Variants in TMEM125 observed in about 807,000 individuals in gnomAD.
TMEM125 encodes the protein transmembrane protein 125.
Under a neutral mutation model 8.7 loss-of-function variants are expected in TMEM125, and 11 were observed. The ratio of observed to expected loss-of-function variants is 1.26; its 90% CI spans 0.79 to 2.08. The LOEUF (loss-of-function observed/expected upper bound fraction) is 2.08, where lower values mean the gene tolerates loss of function less well. TMEM125 is among the 30% of genes most tolerant of loss of function. The probability of loss-of-function intolerance (pLI) is 0.00; values close to 1 mark genes in which losing one functional copy is unlikely to be tolerated. For missense variants in TMEM125, 270 were observed against 302.4 expected, an observed-to-expected ratio of 0.89 and a Z score of 0.79; for synonymous variants, 144 against 146.1, an observed-to-expected ratio of 0.99 and a Z score of 0.10.
At position 43,271,478 on chromosome 1, in the gene TMEM125, A is replaced by G. The variant is rs1646490706; in HGVS notation, c.-302+685A>G. Among the ~76,000 whole-genome samples the G allele has an allele frequency of 6.6e-6, 1 of 152,202 alleles. No homozygotes were observed. Among genetic ancestry groups the G allele is most frequent in the South Asian group, 2.1e-4 (1 of 4,834 alleles). On this transcript the variant is annotated intron_variant, in intron 2 of 3. Coordinates refer to ENST00000439858, the MANE Select transcript of TMEM125 (RefSeq NM_144626.3). This position sits in a 1 kb window ranked among gnomAD's most constrained non-coding sequence, Gnocchi z 4.9. ...TCTGCTGCAGACTGGGGCTCCTTGA[A>G]GGCAGGGACCTCATGTGCTTTATTT...
chr1:43,273,088 C>T lies in TMEM125; in HGVS notation c.366C>T (p.Leu122=), dbSNP rs763900721. Residue 122 remains leucine, a synonymous_variant, in exon 4 of 4, where the codon CTC becomes CTT. Transcript: ENST00000439858. ...ADALVVLLSG[L]VLLVTGLTLA... ...CCCTCGTGGTGCTGCTCAGTGGCCT[C>T]GTGCTGCTGGTCACCGGCCTGACCC... 2.1e-5 allele frequency: 34 copies of T among 1,609,742 alleles called. No individual in the cohort carries two copies. The highest frequency in any genetic ancestry group is 4.0e-5 in the African/African-American group (3 of 74,800).
In TMEM125 at chr1:43,272,627, G is replaced by C. The variant is rs1482094320; in HGVS notation, c.-96G>C. On this transcript the variant is annotated 5_prime_UTR_variant, in exon 4 of 4. Coordinates refer to ENST00000439858, the MANE Select transcript of TMEM125 (RefSeq NM_144626.3). This position sits in a 1 kb window ranked among gnomAD's most constrained non-coding sequence, Gnocchi z 5.0. ...GTGAGAGGAATGGGACTCTGGGCCT[G>C]TAGCTGCCAAGCAGGTGGCAGGTGC... 4.4e-6 allele frequency: 5 copies of C among 1,146,096 alleles called. No individual in the cohort carries two copies. The highest frequency in any genetic ancestry group is 5.9e-6 in the Non-Finnish European group (5 of 853,910). The allele number at this position is 1,146,096 out of a possible 1,614,324, so 71.0% of individuals were successfully genotyped here.
At position 43,273,644 on chromosome 1, in the gene TMEM125, G is replaced by A. The variant is rs531975028; in HGVS notation, c.*262G>A. 9.8e-5 allele frequency: 53 copies of A among 539,262 alleles called. No homozygotes were observed. The highest frequency in any genetic ancestry group is 1.0e-3 in the Middle Eastern group (2 of 1,950). 33.4% of individuals were successfully genotyped at this position (539,262 alleles called of 1,614,324 possible). A position where few individuals can be genotyped will look rare whatever the true frequency, so the allele number is the denominator to read the frequency against. ...CTCTCTGTATCTCAGGTCAGTAGGC[G>A]CAGAAACGCCTCATGATGAAGATTC... is the stretch of plus-strand genomic sequence containing the variant. On this transcript the variant is annotated 3_prime_UTR_variant, in exon 4 of 4. Coordinates refer to ENST00000439858, the MANE Select transcript of TMEM125 (RefSeq NM_144626.3).
Position 43,272,491 on chromosome 1 carries a change from T to C in TMEM125, c.-145-87T>C, listed in dbSNP as rs1176299974. Reference sequence around the variant, plus strand: ...AGATTCGGGGGAACACTGGGGTGGATTCTCAGGGATCATCCCCAAGGCTCC... The same window carrying C: ...AGATTCGGGGGAACACTGGGGTGGACTCTCAGGGATCATCCCCAAGGCTCC... On this transcript the variant is annotated intron_variant, in intron 3 of 3. Transcript: ENST00000439858. This position sits in a 1 kb window ranked among gnomAD's most constrained non-coding sequence, Gnocchi z 5.0. The C allele has an allele frequency of 2.3e-6, 1 of 439,550 alleles. No homozygotes were observed. The highest frequency in any genetic ancestry group is 2.0e-5 in the African/African-American group (1 of 48,882). The allele number at this position is 439,550 out of a possible 1,614,324, so 27.2% of individuals were successfully genotyped here.
rs139782659 is a variant in TMEM125, at chr1:43,273,127, C to T, written c.405C>T (p.Ala135=). The change falls in exon 4 of 4, where the codon GCC becomes GCT. Residue 135 remains alanine, a synonymous_variant. Transcript: ENST00000439858. The part of the protein sequence containing the change: ...LVTGLTLAGL[A]AAPAPARPLA... ...CCGGCCTGACCCTGGCCGGGCTGGC[C>T]GCCGCCCCTGCCCCTGCTCGGCCGC... 59 of 1,610,780 alleles carry T rather than the reference C, an allele frequency of 3.7e-5. 1 individual carries two copies. Among genetic ancestry groups the T allele is most frequent in the African/African-American group, 3.1e-4 (23 of 74,864 alleles).
intron 1 of TMEM125, 193 bp from the exon 2 acceptor site, chr1:43,270,488 G>A (rs1646482897): frequency 6.6e-6 from 1 of 152,214 alleles, no homozygotes; most frequent in African/African-American, 2.4e-5. Flanking sequence ...TTGGCGCCCA[G>A]GCTCTGGGGC....
chr1:43,272,807 C>A lies in TMEM125; in HGVS notation c.85C>A (p.Gln29Lys). The A allele has an allele frequency of 6.4e-7, 1 of 1,564,936 alleles. No individual in the cohort carries two copies. The highest frequency in any genetic ancestry group is 8.7e-7 in the Non-Finnish European group (1 of 1,152,270). ...LAEQVELWWS[Q>K]QPRRSALCFV... The stretch of plus-strand genomic sequence containing the variant: ...AGAGCAGGTGGAGCTGTGGTGGTCC[C>A]AGCAGCCGCGGCGCTCGGCGCTCTG... The change falls in exon 4 of 4, where the codon CAG becomes AAG. Residue 29 changes from glutamine to lysine, a missense_variant. Gln to Lys is a moderately conservative substitution (Grantham distance 53). Transcript: ENST00000439858. This position sits in a 1 kb window ranked among gnomAD's most constrained non-coding sequence, Gnocchi z 5.0.
In TMEM125 at chr1:43,272,862, G is replaced by T; in HGVS notation, c.140G>T (p.Gly47Val). The part of the protein sequence containing the change: ...CFVVAVGLVA[G>V]CGAGGVALLS... ...GTCGTGGCCGTGGGCCTCGTGGCAG[G>T]CTGTGGCGCGGGCGGCGTGGCACTG... The change falls in exon 4 of 4, where the codon GGC becomes GTC. Residue 47 changes from glycine (G) to valine (V), a missense_variant. Gly to Val is a moderately radical substitution (Grantham distance 109). Transcript: ENST00000439858. This position sits in a 1 kb window ranked among gnomAD's most constrained non-coding sequence, Gnocchi z 5.0. 1 of 1,582,594 alleles carries T rather than the reference G, an allele frequency of 6.3e-7. No individual in the cohort carries two copies. The highest frequency in any genetic ancestry group is 1.8e-5 in the Admixed American group (1 of 56,334).
rs1259681242 is a variant in TMEM125 at position 43,273,149 on chromosome 1, C to T, written c.427C>T (p.Pro143Ser). The change falls in exon 4 of 4, where the codon CCG (proline) becomes TCG (serine). Residue 143 changes from proline (P) to serine (S), a missense_variant. Transcript: ENST00000439858. ...GGCCGCCGCCCCTGCCCCTGCTCGGCCGCTGGCCGCCATGCTGTCTGTGGG... is the reference window on the plus strand; with the variant it reads ...GGCCGCCGCCCCTGCCCCTGCTCGGTCGCTGGCCGCCATGCTGTCTGTGGG... ...GLAAAPAPAR[P>S]LAAMLSVGIA... 3 of 1,612,944 alleles carry T rather than the reference C, an allele frequency of 1.9e-6. No homozygotes were observed. Among genetic ancestry groups the T allele is most frequent in the Middle Eastern group, 1.6e-4 (1 of 6,072 alleles).
At position 43,273,431 on chromosome 1, in the gene TMEM125, G is replaced by A. The variant is rs1192084805; in HGVS notation, c.*49G>A. The A allele has an allele frequency of 6.4e-7, 1 of 1,567,296 alleles. No individual in the cohort carries two copies. The highest frequency in any genetic ancestry group is 8.7e-7 in the Non-Finnish European group (1 of 1,151,942). On this transcript the variant is annotated 3_prime_UTR_variant, in exon 4 of 4. Coordinates refer to ENST00000439858, the MANE Select transcript of TMEM125 (RefSeq NM_144626.3). ...TCACAGCGGCCTCAGCGTCCCCAGA[G>A]CCGAGCCAGGGTGTGAGTGCATGTG... is the stretch of plus-strand genomic sequence containing the variant.
chr1:43,273,111 C>A lies in TMEM125; in HGVS notation c.389C>A (p.Thr130Asn). 2 of 1,610,470 alleles carry A rather than the reference C, an allele frequency of 1.2e-6. No homozygotes were observed. The highest frequency in any genetic ancestry group is 1.7e-4 in the Middle Eastern group (1 of 6,030). Residue 130 changes from threonine (T) to asparagine (N), a missense_variant, in exon 4 of 4, where the codon ACC becomes AAC. By Grantham distance (65) the Thr-to-Asn change is moderately conservative. Around this residue, in one of 3 missense-constraint regions of TMEM125, gnomAD observed 215 missense variants for 216.5 expected, o/e 0.99. Transcript: ENST00000439858. ...SGLVLLVTGL[T>N]LAGLAAAPAP... ...CTCGTGCTGCTGGTCACCGGCCTGACCCTGGCCGGGCTGGCCGCCGCCCCT... is the reference window on the plus strand; with the variant it reads ...CTCGTGCTGCTGGTCACCGGCCTGAACCTGGCCGGGCTGGCCGCCGCCCCT...
chr1:43,272,399 T>A lies in TMEM125; in HGVS notation c.-146+60T>A, dbSNP rs1646497173. 4.4e-6 allele frequency: 1 copy of A among 228,302 alleles called. No individual in the cohort carries two copies. The highest frequency in any genetic ancestry group is 2.3e-5 in the African/African-American group (1 of 44,050). The allele number at this position is 228,302 out of a possible 1,614,324, so 14.1% of individuals were successfully genotyped here. ...TTTAGGGGGTACCCTATGGGCAGGG[T>A]ACTCCCCTGGGGTCATTGGAGAGCC... On this transcript the variant is annotated intron_variant, in intron 3 of 3. Coordinates refer to ENST00000439858, the MANE Select transcript of TMEM125 (RefSeq NM_144626.3). The surrounding 1 kb of genome is among the most constrained non-coding windows in gnomAD (Gnocchi z 5.0).
In TMEM125 at chr1:43,272,736, A is replaced by G; in HGVS notation, c.14A>G (p.Glu5Gly). ...CCTGACCAAGCCATGTCTGAACAGG[A>G]GGCTCAAGCCCCAGGGGGCCGGGGG... MSEQ[E>G]AQAPGGRGLP... Residue 5 changes from glutamate to glycine, a missense_variant, in exon 4 of 4, where the codon GAG becomes GGG. Glu to Gly is a moderately conservative substitution (Grantham distance 98, BLOSUM62 -2). Transcript: ENST00000439858. This position sits in a 1 kb window ranked among gnomAD's most constrained non-coding sequence, Gnocchi z 5.0. 1.3e-6 allele frequency: 2 copies of G among 1,506,004 alleles called. No individual in the cohort carries two copies. Among genetic ancestry groups the G allele is most frequent in the Non-Finnish European group, 8.9e-7 (1 of 1,128,950 alleles). The allele number at this position is 1,506,004 out of a possible 1,614,324, so 93.3% of individuals were successfully genotyped here.
Position 43,273,393 on chromosome 1 carries a change from G to A in TMEM125, c.*11G>A. 1 of 1,599,676 alleles carries A rather than the reference G, an allele frequency of 6.3e-7. No individual in the cohort carries two copies. Among genetic ancestry groups the A allele is most frequent in the Non-Finnish European group, 8.6e-7 (1 of 1,168,734 alleles). On this transcript the variant is annotated 3_prime_UTR_variant, in exon 4 of 4. Transcript: ENST00000439858. ...GCCAGCCTCATCTGACGGAGCCAGA[G>A]CCGTCCTTCTTCTCACAGCGGCCTC...
rs1435556192 is a variant in TMEM125, at chr1:43,272,890, G to A, written c.168G>A (p.Leu56=). The change falls in exon 4 of 4, where the codon CTG becomes CTA. Residue 56 remains leucine (L), a synonymous_variant. Transcript: ENST00000439858. The surrounding 1 kb of genome is among the most constrained non-coding windows in gnomAD (Gnocchi z 5.0). ...AGCGAGGVAL[L]STTSSRSGEW... ...GTGGCGCGGGCGGCGTGGCACTGCT[G>A]TCAACCACCAGCAGCCGCTCAGGTG... 1.3e-6 allele frequency: 2 copies of A among 1,589,690 alleles called. No individual in the cohort carries two copies. Among genetic ancestry groups the A allele is most frequent in the Non-Finnish European group, 8.6e-7 (1 of 1,165,064 alleles).
In TMEM125 at chr1:43,272,879, G is replaced by T. The variant is rs757556639; in HGVS notation, c.157G>T (p.Val53Leu). ...GLVAGCGAGGVALLSTTSSRS... is the reference protein window; with the variant it reads ...GLVAGCGAGGLALLSTTSSRS... ...CGTGGCAGGCTGTGGCGCGGGCGGC[G>T]TGGCACTGCTGTCAACCACCAGCAG... The change falls in exon 4 of 4, where the codon GTG becomes TTG. Residue 53 changes from valine (V) to leucine (L), a missense_variant. Transcript: ENST00000439858. This position sits in a 1 kb window ranked among gnomAD's most constrained non-coding sequence, Gnocchi z 5.0. 1.0e-5 allele frequency: 16 copies of T among 1,587,512 alleles called. No individual in the cohort carries two copies. Among genetic ancestry groups the T allele is most frequent in the Non-Finnish European group, 1.4e-5 (16 of 1,164,396 alleles).
Position 43,273,280 on chromosome 1 carries a change from C to T in TMEM125, c.558C>T (p.Thr186=), listed in dbSNP as rs1381677949. 1 of 1,614,040 alleles carries T rather than the reference C, an allele frequency of 6.2e-7. No homozygotes were observed. The highest frequency in any genetic ancestry group is 2.2e-5 in the East Asian group (1 of 44,898). ...CCATCTGTATGGCCACTCCCTCCAC[C>T]CACAGTGGCCATGGCGGCCATGGCA... ...CPSICMATPS[T]HSGHGGHGSI... is the part of the protein sequence containing the mutation. Residue 186 remains threonine (T), a synonymous_variant, in exon 4 of 4, where the codon ACC becomes ACT. Transcript: ENST00000439858.
Position 43,273,615 on chromosome 1 carries a change from C to T in TMEM125, c.*233C>T, listed in dbSNP as rs1467010201. On this transcript the variant is annotated 3_prime_UTR_variant, in exon 4 of 4. Transcript: ENST00000439858. The stretch of plus-strand genomic sequence containing the variant: ...GAACTGGGTGTTGGTGTCCATGGAA[C>T]TTCCTCTCTGTATCTCAGGTCAGTA... 1.7e-6 allele frequency: 1 copy of T among 605,498 alleles called. No individual in the cohort carries two copies. Among genetic ancestry groups the T allele is most frequent in the Non-Finnish European group, 2.9e-6 (1 of 339,374 alleles). 37.5% of individuals were successfully genotyped at this position (605,498 alleles called of 1,614,324 possible). A position where few individuals can be genotyped will look rare whatever the true frequency, so the allele number is the denominator to read the frequency against.
rs1646508609 is a variant in TMEM125, at chr1:43,273,297, G to A, written c.575G>A (p.Gly192Asp). 1 of 1,614,054 alleles carries A rather than the reference G, an allele frequency of 6.2e-7. No individual in the cohort carries two copies. Among genetic ancestry groups the A allele is most frequent in the Admixed American group, 1.7e-5 (1 of 60,014 alleles). ...ATPSTHSGHG[G>D]HGSIFSISGQ... ...CCCTCCACCCACAGTGGCCATGGCG[G>A]CCATGGCAGCATCTTCAGCATCTCA... Residue 192 changes from glycine to aspartate, a missense_variant, in exon 4 of 4, where the codon GGC becomes GAC. Gly to Asp is a moderately conservative substitution (Grantham distance 94). Around this residue, in one of 3 missense-constraint regions of TMEM125, gnomAD observed 52 missense variants for 69.4 expected, o/e 0.75. Transcript: ENST00000439858.
Sources: allele counts gnomAD v4.1 joint callset (sites outside exome capture counted in the v4.1 genomes callset), GRCh38; gene constraint gnomAD v4.1.1; regional missense constraint gnomAD v4.1.1; non-coding constraint Gnocchi (gnomAD v3.1); transcripts MANE v1.5; gene names NCBI Gene and HGNC (gene_info 2026-07-23, HGNC 2026-07-21).